Variants in PBRM1 observed in about 807,000 individuals in gnomAD.
PBRM1 encodes the protein polybromo 1, also known as protein polybromo-1.
A neutral mutation model predicts 194.5 loss-of-function variants in PBRM1; 27 were observed. The ratio of observed to expected loss-of-function variants is 0.14; its 90% confidence interval spans 0.10 to 0.19. PBRM1 has a LOEUF of 0.19. Ranked by LOEUF, PBRM1 falls within the 10% of genes least tolerant of loss-of-function variation. The probability of loss-of-function intolerance (pLI) is 1.00; values close to 1 mark genes in which losing one functional copy is unlikely to be tolerated. For missense variants in PBRM1, 1,466 were observed against 2,077.2 expected (o/e 0.71, Z 5.72); for synonymous variants, 655 against 693.2 (o/e 0.94, Z 0.87).
At chr3:52,679,464 G>A (rs1263037161) in intron 1 of PBRM1, 110 bp downstream of exon 2, 1 of 926,200 alleles carries the variant, frequency 1.1e-6, no homozygotes. Context: ...TTAATCAAGA[G>A]AATCTTAAAA....
chr3:52,577,605 T>C (rs1209462388), intron 21 of PBRM1, among the ~76,000 whole-genome samples: 1 of 152,148 alleles, frequency 6.6e-6, no homozygotes, highest in African/African-American at 2.4e-5. Context: ...ACTGCAACCT[T>C]CCTGTTCCTC....
rs149471803 is a variant in PBRM1 at position 52,586,986 on chromosome 3, A to G, written c.3124-298T>C. On this transcript the variant is annotated intron_variant, in intron 19 of 29. Transcript: ENST00000296302. Reference sequence around the variant, plus strand: ...ATTTCATATAGCTATAATGTTCCTTAAAGCTTTGAAGAGGGCTTGTGTGTG... The same window carrying G: ...ATTTCATATAGCTATAATGTTCCTTGAAGCTTTGAAGAGGGCTTGTGTGTG... Among the ~76,000 whole-genome samples the G allele has an allele frequency of 3.3e-5, 5 of 152,294 alleles. No individual in the cohort carries two copies. In the East Asian group the frequency reaches 9.6e-4, roughly 29 times the overall value.
intron 22 of PBRM1, among the ~76,000 whole-genome samples, chr3:52,570,803 T>C (rs1363658210): frequency 2.6e-5 from 4 of 152,178 alleles, no homozygotes; most frequent in African/African-American, 9.7e-5. Flanking sequence ...ACTTATGTCT[T>C]CAATTTCTCA....
chr3:52,657,661 G>T (rs185492853), intron 5 of PBRM1, among the ~76,000 whole-genome samples: 1 of 152,106 alleles, frequency 6.6e-6, no homozygotes. Context: ...CTAGGGATGG[G>T]TTTTCACCAC....
chr3:52,609,166 G>T lies in PBRM1; in HGVS notation c.2567+147C>A. ...CACAGAATATACTCACTCTTAAGAA[G>T]TTCTGGCTGATTAGAATTCAGAATA... On this transcript the variant is annotated intron_variant, in intron 16 of 29. Coordinates refer to ENST00000296302, the Ensembl canonical transcript of PBRM1. The surrounding 1 kb of genome is among the most constrained non-coding windows in gnomAD (Gnocchi z 4.1). 1 of 662,142 alleles carries T rather than the reference G, an allele frequency of 1.5e-6. No homozygotes were observed. The highest frequency in any genetic ancestry group is 1.8e-5 in the African/African-American group (1 of 54,924). 41.0% of individuals were successfully genotyped at this position (662,142 alleles called of 1,614,324 possible).
At chr3:52,578,279 T>C (rs147116867) in intron 21 of PBRM1, among the ~76,000 whole-genome samples, 186 of 152,340 alleles carry the variant, frequency 1.2e-3, no homozygotes, top group African/African-American at 4.1e-3. Flanking sequence ...ATTCAAGATG[T>C]TGTTTGTCTT....
chr3:52,624,854 TAC>T, intron 13 of PBRM1, 41 bp downstream of exon 15: 1 of 1,309,650 alleles, frequency 7.6e-7, no homozygotes, highest in Non-Finnish European at 1.1e-6. Flanking sequence ...CCACAGAAGA[TAC>T]ACTTTAAAAG....
chr3:52,587,531 G>T, intron 18 of PBRM1, 21 bp from the exon 21 acceptor site: 1 of 1,542,276 alleles, frequency 6.5e-7, no homozygotes, highest in Non-Finnish European at 8.8e-7. Context: ...GGGGGTGGGG[G>T]AAGGGGAAGA....
At chr3:52,622,673 G>A (rs2095321110) in intron 13 of PBRM1, among the ~76,000 whole-genome samples, 1 of 152,094 alleles carries the variant, frequency 6.6e-6, no homozygotes, top group Non-Finnish European at 1.5e-5. Flanking sequence ...ACCTAAATCA[G>A]TCACTTTTTC....
chr3:52,598,716 T>C (rs1385998708), intron 17 of PBRM1, among the ~76,000 whole-genome samples: 2 of 152,062 alleles, frequency 1.3e-5, no homozygotes, highest in Non-Finnish European at 2.9e-5. Context: ...AGATCTCATC[T>C]CTACAAGTAA....
At chr3:52,550,546 G>A (rs2153375688) in exon 29 of PBRM1, 1 of 1,563,948 alleles carries the variant, frequency 6.4e-7, no homozygotes, top group African/African-American at 1.4e-5. Flanking sequence ...AAACATGGGT[G>A]TTGTTGGCTG....
intron 29 of PBRM1, among the ~76,000 whole-genome samples, chr3:52,549,837 G>A (rs550212290): frequency 3.9e-5 from 6 of 152,106 alleles, no homozygotes; most frequent in African/African-American, 7.2e-5. Context: ...CCTGGGGGTC[G>A]GAGGTTGCAG....
intron 16 of PBRM1, among the ~76,000 whole-genome samples, chr3:52,604,235 CAAAGCCATG>C (rs1434898181): frequency 3.3e-5 from 5 of 152,190 alleles, no homozygotes; most frequent in African/African-American, 1.2e-4. Context: ...GAACCTAAAG[CAAAGCCATG>C]AAAGTATTCT....
downstream of PBRM1, chr3:52,545,418 C>CA (rs370189453): frequency 3.5e-5 from 8 of 230,224 alleles, no homozygotes; most frequent in Admixed American, 5.7e-5. Flanking sequence ...AGATGAACAA[C>CA]AAAAAAAAGA....
chr3:52,600,497 T>C (rs1340469826), intron 17 of PBRM1, among the ~76,000 whole-genome samples: 2 of 152,258 alleles, frequency 1.3e-5, no homozygotes, highest in African/African-American at 4.8e-5. Flanking sequence ...CAATAAATTC[T>C]TCAGTTCCAG....
At chr3:52,586,156 G>C (rs530924938) in intron 20 of PBRM1, 7 of 256,430 alleles carry the variant, frequency 2.7e-5, no homozygotes, top group Non-Finnish European at 5.2e-5. Context: ...GGCTGGTCTC[G>C]AACTCCTGAT....
chr3:52,595,849 T>C (rs1014628141), intron 17 of PBRM1, among the ~76,000 whole-genome samples: 1 of 152,344 alleles, frequency 6.6e-6, no homozygotes, highest in Middle Eastern at 3.4e-3. Flanking sequence ...AATTTCATTA[T>C]TCTGTATACT....
chr3:52,667,113 A>T (rs2096855186), intron 3 of PBRM1, among the ~76,000 whole-genome samples: 1 of 152,120 alleles, frequency 6.6e-6, no homozygotes, highest in South Asian at 2.1e-4. Flanking sequence ...ACAAAAATCA[A>T]TCCCAGCTGC....
chr3:52,563,304 G>A, exon 24 of PBRM1: 1 of 1,613,938 alleles, frequency 6.2e-7, no homozygotes, highest in South Asian at 1.1e-5. Flanking sequence ...TGTAGGGCAT[G>A]AGGTCCAGCT....
Sources: allele counts gnomAD v4.1 joint callset (sites outside exome capture counted in the v4.1 genomes callset), GRCh38; gene constraint gnomAD v4.1.1; non-coding constraint Gnocchi (gnomAD v3.1); transcripts MANE v1.5; gene names NCBI Gene and HGNC (gene_info 2026-07-23, HGNC 2026-07-21).